ST18: variants seen among roughly 807,000 people sequenced by gnomAD.
The protein encoded by ST18 is suppression of tumorigenicity 18 protein.
ST18 carries 50 observed loss-of-function variants against 110.0 expected under a neutral mutation model. The observed-to-expected ratio is 0.45, with a 90% CI of 0.36 to 0.58. The LOEUF (loss-of-function observed/expected upper bound fraction) is 0.58, where lower values mean the gene tolerates loss of function less well. Ranked by LOEUF, ST18 falls within the 20% of genes least tolerant of loss-of-function variation. The pLI, the probability that ST18 is intolerant of heterozygous loss-of-function variation, is 0.00. For missense variants in ST18, 1,306 were observed against 1,280.1 expected (o/e 1.02, Z -0.31); for synonymous variants, 461 against 452.4 (o/e 1.02, Z -0.24).
intron 8 of ST18, among the ~76,000 whole-genome samples, chr8:52,186,510 T>G (rs1185560346): frequency 1.3e-5 from 2 of 152,200 alleles, no homozygotes; most frequent in African/African-American, 4.8e-5. Flanking sequence ...CTCAACAGTA[T>G]CTACTAAAGG....
intron 6 of ST18, among the ~76,000 whole-genome samples, chr8:52,216,718 C>A (rs2084374517): frequency 1.3e-5 from 2 of 152,108 alleles, no homozygotes; most frequent in East Asian, 3.9e-4. Flanking sequence ...GTTTCTAGAA[C>A]CTTGTCTATG....
chr8:52,300,610 T>TA lies in ST18; in HGVS notation c.-464-70534dup, dbSNP rs1299156039. On this transcript the variant is annotated intron_variant, in intron 2 of 25. Transcript: ENST00000689386. Reference sequence around the variant, plus strand: ...GATTTAAAATGGTTTTTACATTTTTTAATAGTTGGGGGGAAATGGAGAATA... The same window carrying TA: ...GATTTAAAATGGTTTTTACATTTTTTAAATAGTTGGGGGGAAATGGAGAATA... Among the ~76,000 whole-genome samples the TA allele has an allele frequency of 5.3e-5, 8 of 152,324 alleles. 2 individuals carry two copies. The highest frequency in any genetic ancestry group is 1.9e-4 in the African/African-American group (8 of 41,584).
chr8:52,264,949 C>T (rs2094819152), intron 2 of ST18, among the ~76,000 whole-genome samples: 1 of 152,172 alleles, frequency 6.6e-6, no homozygotes, highest in Non-Finnish European at 1.5e-5. Context: ...TCTCTAGTCT[C>T]TTAGTGGAGA....
At chr8:52,143,476 T>A (rs554138172) in intron 16 of ST18, among the ~76,000 whole-genome samples, 1 of 147,106 alleles carries the variant, frequency 6.8e-6, no homozygotes, top group South Asian at 2.2e-4. Flanking sequence ...AGAGCAAGAC[T>A]CCGTCTCAAA....
intron 2 of ST18, among the ~76,000 whole-genome samples, chr8:52,382,933 AG>A (rs1487278740): frequency 6.6e-6 from 1 of 152,076 alleles, no homozygotes; most frequent in African/African-American, 2.4e-5. Flanking sequence ...AGAGGCTCAG[AG>A]CAAATGTGCC....
chr8:52,223,782 G>C (rs2088015322), intron 3 of ST18, among the ~76,000 whole-genome samples: 1 of 151,988 alleles, frequency 6.6e-6, no homozygotes, highest in African/African-American at 2.4e-5. Flanking sequence ...TCATAACCCT[G>C]TGCTATAGTA....
At chr8:52,130,119 A>AAAAGAAAGAAAGAAAGAAAGAAAGAAAG (rs1207799704) in intron 22 of ST18, among the ~76,000 whole-genome samples, 47 of 105,240 alleles carry the variant, frequency 4.5e-4, no homozygotes, top group East Asian at 1.4e-3. Flanking sequence ...AGAAAGAAAG[A>AAAAGAAAGAAAGAAAGAAAGAAAGAAAG]AAAGAAAGAA....
chr8:52,250,900 C>T (rs922788703), intron 2 of ST18, among the ~76,000 whole-genome samples: 11 of 152,116 alleles, frequency 7.2e-5, no homozygotes, highest in African/African-American at 2.7e-4. Context: ...ACTTTTCCAA[C>T]ACCTTATCAC....
intron 10 of ST18, among the ~76,000 whole-genome samples, chr8:52,170,084 T>C (rs1342724364): frequency 6.6e-6 from 1 of 152,226 alleles, no homozygotes; most frequent in Non-Finnish European, 1.5e-5. Flanking sequence ...GTATCATCAA[T>C]TGTTTAACAA....
At chr8:52,185,580 C>T (rs900193821) in intron 8 of ST18, among the ~76,000 whole-genome samples, 5 of 152,062 alleles carry the variant, frequency 3.3e-5, no homozygotes, top group African/African-American at 9.7e-5. Context: ...TTAAAAAAAA[C>T]AGACCAATGG....
At chr8:52,314,913 G>C (rs2095996562) in intron 2 of ST18, among the ~76,000 whole-genome samples, 1 of 152,156 alleles carries the variant, frequency 6.6e-6, no homozygotes, top group Non-Finnish European at 1.5e-5. Context: ...TGGGGCCTAA[G>C]AGGTTCAGAC....
intron 24 of ST18, among the ~76,000 whole-genome samples, chr8:52,117,374 C>T (rs1345565227): frequency 1.3e-5 from 2 of 152,176 alleles, no homozygotes; most frequent in Admixed American, 6.5e-5. Flanking sequence ...TACAGCCACT[C>T]GCCCAGCCCC....
At chr8:52,230,135 T>C (rs775372051) in intron 2 of ST18, 58 bp from the exon 3 acceptor site, 2 of 152,290 alleles carry the variant, frequency 1.3e-5, no homozygotes, top group Non-Finnish European at 2.9e-5. Context: ...AAAACATAAT[T>C]AAATGGTATT....
rs748681423 is a variant in ST18, at chr8:52,149,837, G to A, written c.1947C>T (p.Ser649=). 27 of 1,614,044 alleles carry A rather than the reference G, an allele frequency of 1.7e-5. 1 individual carries two copies. Among genetic ancestry groups the A allele is most frequent in the Admixed American group, 5.0e-5 (3 of 60,000 alleles). Residue 649 remains serine, a synonymous_variant, in exon 16 of 26, where the codon AGC becomes AGT. Transcript: ENST00000689386. ...TPSSSPFKTS[S]ILVNAAFYQA... is the part of the protein sequence containing the mutation. Reference sequence around the variant, plus strand: ...GATAGAATGCTGCATTGACCAGAATGCTGCTTGTTTTGAATGGGGAAGAGG... The same window carrying A: ...GATAGAATGCTGCATTGACCAGAATACTGCTTGTTTTGAATGGGGAAGAGG...
chr8:52,389,883 T>C (rs1407948315), intron 2 of ST18, among the ~76,000 whole-genome samples: 1 of 152,082 alleles, frequency 6.6e-6, no homozygotes, highest in African/African-American at 2.4e-5. Context: ...ACAAGGAAAA[T>C]ACAGATACAG....
At chr8:52,215,113 G>C (rs571443453) in intron 6 of ST18, among the ~76,000 whole-genome samples, 1 of 152,114 alleles carries the variant, frequency 6.6e-6, no homozygotes, top group Admixed American at 6.5e-5. Flanking sequence ...CAGAAGGTGC[G>C]CTCAGTGGCT....
chr8:52,390,086 AAACC>A (rs1193297914), intron 2 of ST18, among the ~76,000 whole-genome samples: 1 of 152,038 alleles, frequency 6.6e-6, no homozygotes, highest in African/African-American at 2.4e-5. Context: ...TAGAAAGAGG[AAACC>A]AATGGCTCTA....
chr8:52,189,813 G>A (rs1269937692), intron 8 of ST18, among the ~76,000 whole-genome samples: 1 of 152,168 alleles, frequency 6.6e-6, no homozygotes, highest in African/African-American at 2.4e-5. Context: ...GTCCCAGGGG[G>A]TGTCCTGGCT....
At chr8:52,125,922 G>A in intron 23 of ST18, 130 bp downstream of exon 23, 1 of 741,372 alleles carries the variant, frequency 1.3e-6, no homozygotes, top group South Asian at 2.5e-5. Context: ...GTTCAAATCT[G>A]AGGAAACCTT....
Sources: allele counts gnomAD v4.1 joint callset (sites outside exome capture counted in the v4.1 genomes callset), GRCh38; gene constraint gnomAD v4.1.1; transcripts MANE v1.5; gene names NCBI Gene and HGNC (gene_info 2026-07-23, HGNC 2026-07-21).